Variants in GRM7 observed in about 807,000 individuals in gnomAD.
The protein encoded by GRM7 is metabotropic glutamate receptor 7.
In GRM7, 35 loss-of-function variants were observed where a neutral mutation model predicts 84.5. The ratio of observed to expected loss-of-function variants is 0.41; its 90% CI spans 0.32 to 0.55. GRM7 has a LOEUF of 0.55. GRM7 is among the 20% of genes least tolerant of loss of function. GRM7 has a pLI of 0.19. For missense variants in GRM7, 1,003 were observed against 1,194.6 expected, an observed-to-expected ratio of 0.84 and a Z score of 2.36; for synonymous variants, 487 against 455.1, an observed-to-expected ratio of 1.07 and a Z score of -0.89.
chr3:7,135,014 T>A (rs73012192), intron 1 of GRM7, among the ~76,000 whole-genome samples: 3 of 152,164 alleles, frequency 2.0e-5, no homozygotes, highest in Non-Finnish European at 4.4e-5. Context: ...TTTGGTGTTA[T>A]GTAATTAGAG....
chr3:6,958,465 G>A (rs1212918081), intron 1 of GRM7, among the ~76,000 whole-genome samples: 2 of 152,058 alleles, frequency 1.3e-5, no homozygotes, highest in Non-Finnish European at 2.9e-5. Context: ...CTTGTCTTTT[G>A]TAAATAAAGC....
chr3:7,718,328 C>T lies in GRM7; in HGVS notation c.2699-22029C>T, dbSNP rs1701834485. ...TAAATAGTCCTTGAGAACAGTCCAG[C>T]TTCATCCCATTCTTCCTTCCCCTGT... On this transcript the variant is annotated intron_variant, in intron 9 of 9. Transcript: ENST00000357716. Among the ~76,000 whole-genome samples the T allele has an allele frequency of 2.0e-5, 3 of 152,158 alleles. No homozygotes were observed. In the South Asian group the frequency reaches 6.2e-4, roughly 32 times the overall value.
intron 8 of GRM7, among the ~76,000 whole-genome samples, chr3:7,630,367 C>T (rs1575573377): frequency 6.6e-6 from 1 of 152,334 alleles, no homozygotes; most frequent in South Asian, 2.1e-4. Context: ...GTATTTTCAA[C>T]ACCTGGCAAC....
intron 1 of GRM7, among the ~76,000 whole-genome samples, chr3:7,049,046 T>G (rs1696899564): frequency 6.6e-6 from 1 of 151,986 alleles, no homozygotes; most frequent in African/African-American, 2.4e-5. Flanking sequence ...TAAATTATAT[T>G]CAATCAATAT....
At chr3:7,723,435 A>G (rs1575670687) in intron 9 of GRM7, among the ~76,000 whole-genome samples, 1 of 152,262 alleles carries the variant, frequency 6.6e-6, no homozygotes, top group East Asian at 1.9e-4. Context: ...TTACATCACA[A>G]GTTGTCTGGT....
intron 7 of GRM7, among the ~76,000 whole-genome samples, chr3:7,565,328 G>T (rs1203903307): frequency 6.6e-6 from 1 of 152,178 alleles, no homozygotes; most frequent in Non-Finnish European, 1.5e-5. Flanking sequence ...CAAAGAGGAT[G>T]GAGGCTGTGC....
chr3:7,493,679 T>G (rs1451538027), intron 7 of GRM7, among the ~76,000 whole-genome samples: 1 of 151,998 alleles, frequency 6.6e-6, no homozygotes, highest in Non-Finnish European at 1.5e-5. Context: ...AAATTTCAGG[T>G]AATTAATATA....
chr3:7,333,441 GCAC>G (rs1181516223), intron 4 of GRM7, among the ~76,000 whole-genome samples: 2 of 152,322 alleles, frequency 1.3e-5, no homozygotes, highest in East Asian at 3.9e-4. Flanking sequence ...AAGGAGGAAA[GCAC>G]CACATCGAGG....
chr3:7,651,295 G>C (rs1698927913), intron 8 of GRM7, among the ~76,000 whole-genome samples: 1 of 152,150 alleles, frequency 6.6e-6, no homozygotes, highest in African/African-American at 2.4e-5. Context: ...AAAAAGTGCT[G>C]CTTTTACTTC....
intron 9 of GRM7, 158 bp downstream of exon 9, chr3:7,680,453 C>A: frequency 1.5e-6 from 1 of 669,372 alleles, no homozygotes; most frequent in Non-Finnish European, 2.5e-6. Flanking sequence ...TTGAGTTTGA[C>A]TCATTCCTGC....
chr3:7,549,812 C>T (rs1299229420), intron 7 of GRM7, among the ~76,000 whole-genome samples: 3 of 152,090 alleles, frequency 2.0e-5, no homozygotes, highest in African/African-American at 7.2e-5. Context: ...GAAAATTGAC[C>T]TTGTAGAAAA....
intron 1 of GRM7, among the ~76,000 whole-genome samples, chr3:6,889,310 A>G (rs916782205): frequency 6.6e-6 from 1 of 152,106 alleles, no homozygotes; most frequent in African/African-American, 2.4e-5. Context: ...TTCTTGTGCC[A>G]GTTTTCAAAG....
chr3:7,568,198 G>A (rs912294000), intron 7 of GRM7, among the ~76,000 whole-genome samples: 1 of 152,144 alleles, frequency 6.6e-6, no homozygotes, highest in Non-Finnish European at 1.5e-5. Flanking sequence ...AGCCTGGCAG[G>A]CCCCAGAAGG....
intron 1 of GRM7, among the ~76,000 whole-genome samples, chr3:6,942,265 A>G (rs1322588078): frequency 6.6e-6 from 1 of 152,128 alleles, no homozygotes; most frequent in Non-Finnish European, 1.5e-5. Context: ...GATATAATAT[A>G]TCTAAAGGGC....
At chr3:7,673,807 C>T (rs1166666541) in intron 8 of GRM7, among the ~76,000 whole-genome samples, 2 of 152,150 alleles carry the variant, frequency 1.3e-5, no homozygotes. Flanking sequence ...ACCGTGTTCA[C>T]CTAGTGTTTC....
At chr3:7,561,651 A>G in intron 7 of GRM7, 2 of 446,570 alleles carry the variant, frequency 4.5e-6, no homozygotes, top group South Asian at 3.2e-5. Flanking sequence ...AGATAATGTG[A>G]ATCAGATAAG....
chr3:7,120,209 TA>T (rs1246174835), intron 1 of GRM7, among the ~76,000 whole-genome samples: 5 of 152,036 alleles, frequency 3.3e-5, no homozygotes, highest in African/African-American at 9.7e-5. Flanking sequence ...CCAGAAAGCC[TA>T]AAACAAAAGT....
intron 7 of GRM7, among the ~76,000 whole-genome samples, chr3:7,462,309 G>A (rs1419299477): frequency 6.6e-6 from 1 of 152,064 alleles, no homozygotes; most frequent in Non-Finnish European, 1.5e-5. Flanking sequence ...TAGCCTTTTT[G>A]TTCTATTTAG....
chr3:6,926,519 C>T (rs766110899), intron 1 of GRM7, among the ~76,000 whole-genome samples: 7 of 152,174 alleles, frequency 4.6e-5, no homozygotes, highest in African/African-American at 4.8e-5. Context: ...ACCTGCACAA[C>T]GTTTTAAAAG....
Sources: allele counts gnomAD v4.1 joint callset (sites outside exome capture counted in the v4.1 genomes callset), GRCh38; gene constraint gnomAD v4.1.1; transcripts MANE v1.5; gene names NCBI Gene and HGNC (gene_info 2026-07-23, HGNC 2026-07-21).